The following ZNF782 variants were observed in gnomAD, a reference collection of about 807,000 sequenced individuals.
ZNF782 encodes zinc finger protein 782.
In ZNF782, 12 loss-of-function variants were observed where a neutral mutation model predicts 13.0. The observed-to-expected ratio is 0.92, with a 90% confidence interval of 0.59 to 1.50. The LOEUF (loss-of-function observed/expected upper bound fraction) is 1.50, where lower values mean the gene tolerates loss of function less well. Ranked by LOEUF, ZNF782 falls within the 40% of genes most tolerant of loss-of-function variation. ZNF782 has a pLI of 0.00. For missense variants in ZNF782, 770 were observed against 822.9 expected, an observed-to-expected ratio of 0.94 and a Z score of 0.79; for synonymous variants, 284 against 283.0, an observed-to-expected ratio of 1.00 and a Z score of -0.04.
rs1588144241 is a variant in ZNF782 at position 96,818,545 on chromosome 9, A to G, written c.1478T>C (p.Leu493Pro). 1 of 1,613,834 alleles carries G rather than the reference A, an allele frequency of 6.2e-7. No homozygotes were observed. The highest frequency in any genetic ancestry group is 1.6e-4 in the Middle Eastern group (1 of 6,062). ...CGKSFSHMSG[L>P]RNHRRTHTGE... The stretch of plus-strand genomic sequence containing the variant: ...TGTGTGAGTTCTTCGGTGATTCCTT[A>G]GGCCTGACATATGGCTGAAAGATTT... The change falls in exon 6 of 6, where the codon CTA becomes CCA. Residue 493 changes from leucine (L) to proline (P), a missense_variant. Coordinates refer to ENST00000481138, the MANE Select transcript of ZNF782 (RefSeq NM_001001662.3).
the ZNF782 span, among the ~76,000 whole-genome samples, chr9:96,913,111 TC>T: frequency 6.6e-6 from 1 of 151,152 alleles, no homozygotes; most frequent in Non-Finnish European, 1.5e-5. Flanking sequence ...GGCCAGAAGT[TC>T]GAGACCAGCC....
At chr9:96,929,400 G>C in the ZNF782 span, among the ~76,000 whole-genome samples, 2 of 151,782 alleles carry the variant, frequency 1.3e-5, no homozygotes, top group African/African-American at 4.8e-5. Context: ...GCCCTGTGCC[G>C]TGTCTTCAGG....
rs370748659 is a variant in ZNF782, at chr9:96,844,786, G to A, written c.142+104C>T. ...TGACTAATATAAAAAAGGAAAACCAGAATTGCACTGTAGAGGGAGTCACAT... is the reference window on the plus strand; with the variant it reads ...TGACTAATATAAAAAAGGAAAACCAAAATTGCACTGTAGAGGGAGTCACAT... On this transcript the variant is annotated intron_variant, in intron 4 of 5. Coordinates refer to ENST00000481138, the MANE Select transcript of ZNF782 (RefSeq NM_001001662.3). The A allele has an allele frequency of 2.0e-6, 3 of 1,536,360 alleles. No individual in the cohort carries two copies. In the Admixed American group the frequency reaches 5.2e-5, roughly 27 times the overall value.
chr9:96,866,675 G>T (rs1851757676), intron 1 of ZNF782, among the ~76,000 whole-genome samples: 1 of 152,152 alleles, frequency 6.6e-6, no homozygotes, highest in Non-Finnish European at 1.5e-5. Context: ...CCTGCACCGT[G>T]TGCCTGGAAA....
In ZNF782 at chr9:96,853,036, T is replaced by C. The variant is rs550387108; in HGVS notation, c.-228A>G. ...GATTCTATGAGGTAGGGACAAAGTC[T>C]CCAGTGTCACATATGTTAACAGCAG... On this transcript the variant is annotated 5_prime_UTR_variant, in exon 2 of 6. Transcript: ENST00000481138. 2 of 152,558 alleles carry C rather than the reference T, an allele frequency of 1.3e-5. No homozygotes were observed. Among genetic ancestry groups the C allele is most frequent in the South Asian group, 4.2e-4 (2 of 4,812 alleles). 9.5% of individuals were successfully genotyped at this position (152,558 alleles called of 1,614,324 possible).
chr9:96,911,487 C>T, the ZNF782 span, among the ~76,000 whole-genome samples: 1 of 132,810 alleles, frequency 7.5e-6, no homozygotes, highest in African/African-American at 2.7e-5. Context: ...GTCATTTTTG[C>T]TTTTCTTACA....
intron 4 of ZNF782, among the ~76,000 whole-genome samples, chr9:96,833,661 C>T (rs1850883299): frequency 6.6e-6 from 1 of 152,108 alleles, no homozygotes; most frequent in Admixed American, 6.6e-5. Context: ...TATAGTTATT[C>T]CTTTTCTCCA....
At position 96,820,675 on chromosome 9, in the gene ZNF782, G is replaced by A. The variant is rs180789019; in HGVS notation, c.245-897C>T. Among the ~76,000 whole-genome samples the A allele has an allele frequency of 9.2e-5, 14 of 151,680 alleles. 1 individual carries two copies. Among genetic ancestry groups the A allele is most frequent in the African/African-American group, 2.7e-4 (11 of 41,342 alleles). On this transcript the variant is annotated intron_variant, in intron 5 of 5. Coordinates refer to ENST00000481138, the MANE Select transcript of ZNF782 (RefSeq NM_001001662.3). The stretch of plus-strand genomic sequence containing the variant: ...AGTGATTCTCCTGTCTCAGCCTCCC[G>A]AGTAGCTGGGATTACAGGCATGTGC...
At position 96,824,940 on chromosome 9, in the gene ZNF782, T is replaced by C. The variant is rs1405977272; in HGVS notation, c.244+2140A>G. ...CAAATGGAAGAACATTCCATGCTCATGGGTAGGAAGAATCAATATGGTGAA... is the reference window on the plus strand; with the variant it reads ...CAAATGGAAGAACATTCCATGCTCACGGGTAGGAAGAATCAATATGGTGAA... On this transcript the variant is annotated intron_variant, in intron 5 of 5. Coordinates refer to ENST00000481138, the MANE Select transcript of ZNF782 (RefSeq NM_001001662.3). Among the ~76,000 whole-genome samples the C allele has an allele frequency of 1.3e-4, 20 of 151,896 alleles. No homozygotes were observed. In the South Asian group the frequency reaches 2.1e-3, roughly 16 times the overall value.
intron 4 of ZNF782, among the ~76,000 whole-genome samples, chr9:96,828,933 G>A (rs1850712891): frequency 6.6e-6 from 1 of 151,794 alleles, no homozygotes; most frequent in Non-Finnish European, 1.5e-5. Flanking sequence ...GACAGAAAAA[G>A]ACATAATATA....
At chr9:96,853,988 A>G (rs765793426) in intron 1 of ZNF782, 100 bp downstream of exon 1, 1 of 152,264 alleles carries the variant, frequency 6.6e-6, no homozygotes, top group Admixed American at 6.5e-5. Flanking sequence ...AACGCCATGA[A>G]GCAGTCATTA....
At chr9:96,883,071 T>C in the ZNF782 span, among the ~76,000 whole-genome samples, 1 of 152,092 alleles carries the variant, frequency 6.6e-6, no homozygotes, top group South Asian at 2.1e-4. Context: ...ACAGTTGCAG[T>C]AAAGTTGTTT....
At chr9:96,878,675 T>A (rs977649399), upstream of ZNF782, among the ~76,000 whole-genome samples, 10 of 152,256 alleles carry the variant, frequency 6.6e-5, no homozygotes, top group African/African-American at 1.9e-4. Context: ...AATATCATGT[T>A]TATTTAATCA....
At chr9:96,905,179 G>A in the ZNF782 span, among the ~76,000 whole-genome samples, 4 of 133,548 alleles carry the variant, frequency 3.0e-5, no homozygotes, top group Non-Finnish European at 5.9e-5. Flanking sequence ...TGAGATACAA[G>A]GTCAGCACAA....
chr9:96,928,982 C>T, the ZNF782 span: 31 of 1,603,806 alleles, frequency 1.9e-5, no homozygotes, highest in South Asian at 1.2e-4. Flanking sequence ...TTTTTCATTG[C>T]GGAAGCTGCC....
At chr9:96,871,165 AAGTTTCAGGAC>A (rs1851821312) in intron 1 of ZNF782, among the ~76,000 whole-genome samples, 1 of 152,190 alleles carries the variant, frequency 6.6e-6, no homozygotes, top group Admixed American at 6.5e-5. Flanking sequence ...GGTGTCCTGA[AAGTTTCAGGAC>A]AGTTTTTAGC....
chr9:96,906,985 A>G, the ZNF782 span, among the ~76,000 whole-genome samples: 14,028 of 147,978 alleles, frequency 0.095, 76 homozygotes, highest in East Asian at 0.38. Context: ...GGAAATTGGA[A>G]CAAAGACCAA....
At chr9:96,839,277 CTTTTTTTTTTT>C (rs201411107) in intron 4 of ZNF782, among the ~76,000 whole-genome samples, 1 of 100,228 alleles carries the variant, frequency 1.0e-5, no homozygotes, top group African/African-American at 3.1e-5. Flanking sequence ...TTACTTGGGA[CTTTTTTTTTTT>C]TTTTTTTTTT....
intron 2 of ZNF782, 23 bp downstream of exon 2, chr9:96,852,830 A>G (rs890859126): frequency 2.0e-5 from 3 of 152,700 alleles, no homozygotes; most frequent in African/African-American, 7.2e-5. Context: ...GGCCCTTTGG[A>G]TAAGATGCTT....
Sources: gnomAD v4.1 joint callset for allele counts (sites outside exome capture counted in the v4.1 genomes callset) on GRCh38, gnomAD v4.1.1 for gene constraint, MANE v1.5 for transcripts, NCBI Gene and HGNC (gene_info 2026-07-23, HGNC 2026-07-21) for gene names.